FHOD3: variants seen among roughly 807,000 people sequenced by gnomAD.
FHOD3 encodes the protein formin homology 2 domain containing 3.
Under a neutral mutation model 173.0 loss-of-function variants are expected in FHOD3, and 90 were observed. That is an observed-to-expected ratio of 0.52 (90% CI 0.44 to 0.62). The LOEUF is 0.62. Among genes scored for constraint, FHOD3 ranks in the 20% least tolerant of loss-of-function variants. The pLI, the probability that FHOD3 is intolerant of heterozygous loss-of-function variation, is 0.00. For synonymous variants in FHOD3, 828 were observed against 823.0 expected, an observed-to-expected ratio of 1.01 and a Z score of -0.10; for missense variants, 1,945 against 2,034.7, an observed-to-expected ratio of 0.96 and a Z score of 0.85.
chr18:36,651,150 T>C (rs969295939), intron 11 of FHOD3, among the ~76,000 whole-genome samples: 1 of 152,168 alleles, frequency 6.6e-6, no homozygotes, highest in African/African-American at 2.4e-5. Context: ...GCTCCCCGCC[T>C]GAGGCACTGC....
chr18:36,303,149 C>T (rs2091999153), intron 1 of FHOD3, among the ~76,000 whole-genome samples: 1 of 152,228 alleles, frequency 6.6e-6, no homozygotes, highest in African/African-American at 2.4e-5. Flanking sequence ...ATCCTCACAA[C>T]AACTCTAGCA....
chr18:36,618,374 G>A (rs928508673), intron 9 of FHOD3, among the ~76,000 whole-genome samples: 3 of 139,880 alleles, frequency 2.1e-5, no homozygotes, highest in Non-Finnish European at 4.5e-5. Flanking sequence ...AGTGCAAGGT[G>A]CGATCTTGGC....
chr18:36,390,750 A>C (rs1223442005), intron 3 of FHOD3, among the ~76,000 whole-genome samples: 1 of 152,174 alleles, frequency 6.6e-6, no homozygotes, highest in Non-Finnish European at 1.5e-5. Flanking sequence ...TAACAGACCC[A>C]CACTTAACAC....
At chr18:36,303,059 A>G (rs112552654) in intron 1 of FHOD3, among the ~76,000 whole-genome samples, 3 of 152,336 alleles carry the variant, frequency 2.0e-5, no homozygotes, top group South Asian at 2.1e-4. Flanking sequence ...ACTGGCATCA[A>G]TCTTTGGGAA....
chr18:36,709,553 C>T (rs1016032554), intron 18 of FHOD3, 162 bp downstream of exon 18: 56 of 731,810 alleles, frequency 7.7e-5, no homozygotes, highest in East Asian at 1.9e-4. Flanking sequence ...AGTGTGGCCA[C>T]GCTGGCAGCC....
At chr18:36,693,777 G>A (rs945308210) in intron 17 of FHOD3, among the ~76,000 whole-genome samples, 18 of 152,264 alleles carry the variant, frequency 1.2e-4, no homozygotes, top group Non-Finnish European at 2.6e-4. Flanking sequence ...ACCAACATTC[G>A]AATGTTCTTA....
intron 9 of FHOD3, among the ~76,000 whole-genome samples, chr18:36,624,656 C>A (rs2033962336): frequency 6.7e-6 from 1 of 150,010 alleles, no homozygotes; most frequent in African/African-American, 2.4e-5. Flanking sequence ...GAGGGCGCCA[C>A]CTAGACACAG....
intron 2 of FHOD3, among the ~76,000 whole-genome samples, 158 bp downstream of exon 2, chr18:36,355,803 C>A (rs549452307): frequency 2.0e-5 from 3 of 152,238 alleles, no homozygotes; most frequent in Non-Finnish European, 4.4e-5. Flanking sequence ...TCAGTGGTGA[C>A]TGCAGACCCG....
intron 17 of FHOD3, among the ~76,000 whole-genome samples, chr18:36,703,971 A>G (rs2039729302): frequency 6.6e-6 from 1 of 152,068 alleles, no homozygotes; most frequent in Non-Finnish European, 1.5e-5. Flanking sequence ...CTTTGGGGTG[A>G]AGAATTCCTT....
At chr18:36,353,699 AT>A in intron 1 of FHOD3, among the ~76,000 whole-genome samples, 1 of 152,280 alleles carries the variant, frequency 6.6e-6, no homozygotes, top group Non-Finnish European at 1.5e-5. Flanking sequence ...CTTTGGTAAA[AT>A]TATTTTTCTC....
At chr18:36,596,321 A>ATTTTTTTTTTTTTTTTT (rs539907617) in intron 7 of FHOD3, among the ~76,000 whole-genome samples, 1 of 57,494 alleles carries the variant, frequency 1.7e-5, no homozygotes, top group Non-Finnish European at 3.0e-5. Flanking sequence ...TGCCCAGCTA[A>ATTTTTTTTTTTTTTTTT]TTTTTTTTTT....
At chr18:36,388,686 G>A (rs571264577) in intron 3 of FHOD3, among the ~76,000 whole-genome samples, 6 of 152,140 alleles carry the variant, frequency 3.9e-5, no homozygotes, top group Non-Finnish European at 7.4e-5. Flanking sequence ...GCTCTGTCCT[G>A]AGGGCAGAGC....
intron 5 of FHOD3, among the ~76,000 whole-genome samples, chr18:36,543,534 A>C (rs1038244474): frequency 2.6e-5 from 4 of 152,108 alleles, no homozygotes; most frequent in African/African-American, 4.8e-5. Context: ...CCAAGAAGAA[A>C]CCCTAATCAG....
intron 1 of FHOD3, among the ~76,000 whole-genome samples, chr18:36,327,267 C>T (rs1311293216): frequency 1.3e-5 from 2 of 152,162 alleles, no homozygotes; most frequent in African/African-American, 4.8e-5. Flanking sequence ...TGGCAGAGCC[C>T]CATTTGAGTT....
chr18:36,418,163 GA>G (rs1218177977), intron 3 of FHOD3, among the ~76,000 whole-genome samples: 1 of 152,168 alleles, frequency 6.6e-6, no homozygotes, highest in Non-Finnish European at 1.5e-5. Flanking sequence ...TTGGAATTTG[GA>G]AATGCTGTGG....
chr18:36,450,312 G>A (rs1259120406), intron 3 of FHOD3, among the ~76,000 whole-genome samples: 3 of 152,124 alleles, frequency 2.0e-5, no homozygotes, highest in Non-Finnish European at 4.4e-5. Flanking sequence ...GGCAGCCAGC[G>A]GAGCTCCCTG....
intron 12 of FHOD3, 52 bp downstream of exon 12, chr18:36,652,981 A>G: frequency 6.7e-7 from 1 of 1,489,814 alleles, no homozygotes; most frequent in Non-Finnish European, 8.9e-7. Context: ...GGAGGAGAAC[A>G]CAGTGTGTTA....
At chr18:36,521,367 T>C (rs1465291401) in intron 5 of FHOD3, among the ~76,000 whole-genome samples, 1 of 152,128 alleles carries the variant, frequency 6.6e-6, no homozygotes, top group African/African-American at 2.4e-5. Context: ...TCCATCTCCA[T>C]TGCACCATGC....
chr18:36,310,698 A>G (rs1461260171), intron 1 of FHOD3, among the ~76,000 whole-genome samples: 2 of 151,786 alleles, frequency 1.3e-5, no homozygotes, highest in Non-Finnish European at 2.9e-5. Context: ...AAAAAAAAAA[A>G]AAAGAAAAGA....
Sources: allele counts gnomAD v4.1 joint callset (sites outside exome capture counted in the v4.1 genomes callset), GRCh38; gene constraint gnomAD v4.1.1; transcripts MANE v1.5; gene names NCBI Gene and HGNC (gene_info 2026-07-23, HGNC 2026-07-21).